The following B4GALNT2 variants were observed in gnomAD, a reference collection of about 807,000 sequenced individuals.
B4GALNT2 encodes the protein beta-1,4-N-acetyl-galactosaminyltransferase 2 (SID blood group).
B4GALNT2 carries 42 observed loss-of-function variants against 51.1 expected under a neutral mutation model. The ratio of observed to expected loss-of-function variants is 0.82; its 90% confidence interval spans 0.64 to 1.06. The LOEUF is 1.06. Ranked by LOEUF, B4GALNT2 falls within the 50% of genes least tolerant of loss-of-function variation. The pLI is 0.00. For synonymous variants in B4GALNT2, 253 were observed against 251.7 expected, an observed-to-expected ratio of 1.01 and a Z score of -0.05; for missense variants, 602 against 633.6, an observed-to-expected ratio of 0.95 and a Z score of 0.54.
chr17:49,122,418 G>C, the B4GALNT2 span, among the ~76,000 whole-genome samples: 16 of 152,272 alleles, frequency 1.1e-4, no homozygotes, highest in Middle Eastern at 6.8e-3. Context: ...GAGTAATGTC[G>C]TCTGTAGATG....
upstream of B4GALNT2, among the ~76,000 whole-genome samples, chr17:49,130,488 A>G (rs1397369868): frequency 6.6e-6 from 1 of 152,134 alleles, no homozygotes; most frequent in Non-Finnish European, 1.5e-5. Flanking sequence ...AAAATACAAA[A>G]TTAGCCAGGT....
upstream of B4GALNT2, among the ~76,000 whole-genome samples, chr17:49,129,134 G>A (rs567224401): frequency 6.6e-6 from 1 of 152,258 alleles, no homozygotes; most frequent in East Asian, 1.9e-4. Flanking sequence ...AATTGGCAAA[G>A]GGCCTCTTGG....
At chr17:49,152,268 A>G (rs2042764955) in intron 3 of B4GALNT2, among the ~76,000 whole-genome samples, 1 of 152,144 alleles carries the variant, frequency 6.6e-6, no homozygotes, top group African/African-American at 2.4e-5. Context: ...AGTCCCAGCT[A>G]TGAAAAGGCT....
At chr17:49,133,166 C>G (rs921608591) in intron 1 of B4GALNT2, 2 of 1,522,192 alleles carry the variant, frequency 1.3e-6, no homozygotes, top group Non-Finnish European at 1.8e-6. Flanking sequence ...AACTCAGAGG[C>G]GCTGACCCAG....
chr17:49,151,091 T>TTCTGG (rs764158273), intron 3 of B4GALNT2, among the ~76,000 whole-genome samples: 1 of 146,566 alleles, frequency 6.8e-6, no homozygotes, highest in South Asian at 2.2e-4. Flanking sequence ...AAGCTAATCT[T>TTCTGG]AGGCCGGGCG....
rs1261125260 is a variant in B4GALNT2 at position 49,175,333 on chromosome 17, C to T, written c.*5605C>T. ...CGTTTAATTTCACTTTTCCCCATTT[C>T]CACATACGGCACAATCAGAAGTTGT... On this transcript the variant is annotated 3_prime_UTR_variant, in exon 11 of 11. Transcript: ENST00000393354. The T allele has an allele frequency of 2.6e-5, 4 of 152,156 alleles. No individual in the cohort carries two copies. The highest frequency in any genetic ancestry group is 9.7e-5 in the African/African-American group (4 of 41,426). 9.4% of individuals were successfully genotyped at this position (152,156 alleles called of 1,614,324 possible). A position where few individuals can be genotyped will look rare whatever the true frequency, so the allele number is the denominator to read the frequency against.
At chr17:49,122,234 C>A in the B4GALNT2 span, among the ~76,000 whole-genome samples, 1 of 152,132 alleles carries the variant, frequency 6.6e-6, no homozygotes, top group Non-Finnish European at 1.5e-5. Flanking sequence ...TGGATTTAGG[C>A]GGCTTTTGAT....
Position 49,171,432 on chromosome 17 carries a change from T to A in B4GALNT2, c.*1704T>A, listed in dbSNP as rs2042956900. On this transcript the variant is annotated 3_prime_UTR_variant, in exon 11 of 11. Transcript: ENST00000393354. The stretch of plus-strand genomic sequence containing the variant: ...TGCTTTAAATATTTGTTCTTTTAAT[T>A]TTGCAATATGCAAAGACAAGTTTGT... 3 of 417,316 alleles carry A rather than the reference T, an allele frequency of 7.2e-6. No individual in the cohort carries two copies. The highest frequency in any genetic ancestry group is 1.4e-5 in the Non-Finnish European group (3 of 216,410). The allele number at this position is 417,316 out of a possible 1,614,324, so 25.9% of individuals were successfully genotyped here. A position where few individuals can be genotyped will look rare whatever the true frequency, so the allele number is the denominator to read the frequency against.
chr17:49,132,255 G>A (rs952412543), upstream of B4GALNT2, among the ~76,000 whole-genome samples: 4 of 152,216 alleles, frequency 2.6e-5, no homozygotes, highest in Admixed American at 2.6e-4. Flanking sequence ...TTCATCTGAA[G>A]TTCAACAGAC....
chr17:49,171,878 C>A lies in B4GALNT2; in HGVS notation c.*2150C>A. The A allele has an allele frequency of 3.1e-6, 1 of 323,196 alleles. No homozygotes were observed. Among genetic ancestry groups the A allele is most frequent in the Non-Finnish European group, 5.9e-6 (1 of 170,032 alleles). The allele number at this position is 323,196 out of a possible 1,614,324, so 20.0% of individuals were successfully genotyped here. A position where few individuals can be genotyped will look rare whatever the true frequency, so the allele number is the denominator to read the frequency against. ...TAGGTTTTGAGCTGCCTTTGCTTTG[C>A]CTCAATTATAGGAGCAGATTTATTA... On this transcript the variant is annotated 3_prime_UTR_variant, in exon 11 of 11. Transcript: ENST00000393354.
intron 3 of B4GALNT2, among the ~76,000 whole-genome samples, 193 bp from the exon 4 acceptor site, chr17:49,152,607 C>T (rs184337674): frequency 1.4e-3 from 218 of 152,226 alleles, no homozygotes; most frequent in African/African-American, 4.7e-3. Context: ...GCCCGGGAGG[C>T]GGAGCTTGCA....
intron 3 of B4GALNT2, among the ~76,000 whole-genome samples, chr17:49,152,083 AT>A (rs2144308806): frequency 6.6e-6 from 1 of 152,192 alleles, no homozygotes; most frequent in South Asian, 2.1e-4. Flanking sequence ...TTTAAAAAAA[AT>A]ATGCTTTGTT....
intron 1 of B4GALNT2, among the ~76,000 whole-genome samples, chr17:49,140,520 C>T (rs1485611820): frequency 6.6e-6 from 1 of 152,184 alleles, no homozygotes; most frequent in Admixed American, 6.5e-5. Flanking sequence ...ATGTCAGCAT[C>T]TCTAACTATC....
intron 2 of B4GALNT2, among the ~76,000 whole-genome samples, chr17:49,141,700 AG>A (rs1334523633): frequency 6.6e-6 from 1 of 152,180 alleles, no homozygotes; most frequent in Non-Finnish European, 1.5e-5. Context: ...ACTGCAGAAA[AG>A]ATGCTGCTTC....
intron 4 of B4GALNT2, 140 bp from the exon 5 acceptor site, chr17:49,156,426 G>A: frequency 1.2e-6 from 1 of 848,514 alleles, no homozygotes; most frequent in Non-Finnish European, 1.9e-6. Flanking sequence ...AGGCGCACGT[G>A]TCAGCAAACA....
chr17:49,145,851 C>G (rs938755504), intron 3 of B4GALNT2, among the ~76,000 whole-genome samples: 4 of 152,166 alleles, frequency 2.6e-5, no homozygotes, highest in African/African-American at 9.7e-5. Flanking sequence ...CCTTCTTAGC[C>G]TGTTGACATA....
chr17:49,125,766 G>GCCCGGCCAGCCAC, the B4GALNT2 span, among the ~76,000 whole-genome samples: 1 of 93,618 alleles, frequency 1.1e-5, no homozygotes, highest in Admixed American at 1.1e-4. Context: ...TCAGCCCCCC[G>GCCCGGCCAGCCAC]CCCGTCCGGC....
intron 3 of B4GALNT2, among the ~76,000 whole-genome samples, chr17:49,147,587 G>A (rs1212548717): frequency 6.6e-6 from 1 of 151,462 alleles, no homozygotes; most frequent in Non-Finnish European, 1.5e-5. Context: ...TGTTGCCCAG[G>A]CTTGTCTCAA....
chr17:49,130,803 G>C (rs1437682047), upstream of B4GALNT2, among the ~76,000 whole-genome samples: 3 of 152,098 alleles, frequency 2.0e-5, no homozygotes, highest in African/African-American at 7.2e-5. Flanking sequence ...CTGGGTTGAG[G>C]GGTTGTAGTA....
Sources: gnomAD v4.1 joint callset for allele counts (sites outside exome capture counted in the v4.1 genomes callset) on GRCh38, gnomAD v4.1.1 for gene constraint, MANE v1.5 for transcripts, NCBI Gene and HGNC (gene_info 2026-07-23, HGNC 2026-07-21) for gene names.